Variants in C1orf87 observed in about 807,000 individuals in gnomAD.
C1orf87 encodes the protein uncharacterized protein C1orf87.
C1orf87 carries 58 observed loss-of-function variants against 60.5 expected under a neutral mutation model. The ratio of observed to expected loss-of-function variants is 0.96; its 90% confidence interval spans 0.78 to 1.19. The LOEUF (loss-of-function observed/expected upper bound fraction) is 1.19. Ranked by LOEUF, C1orf87 falls within the 50% of genes most tolerant of loss-of-function variation. The pLI, the probability that C1orf87 is intolerant of heterozygous loss-of-function variation, is 0.00. For synonymous variants in C1orf87, 236 were observed against 227.4 expected, an observed-to-expected ratio of 1.04 and a Z score of -0.34; for missense variants, 673 against 638.6, an observed-to-expected ratio of 1.05 and a Z score of -0.58.
At chr1:59,996,565 CA>C (rs1644964893) in intron 11 of C1orf87, among the ~76,000 whole-genome samples, 2 of 152,168 alleles carry the variant, frequency 1.3e-5, no homozygotes, top group Non-Finnish European at 1.5e-5. Context: ...CCATCTTTAT[CA>C]TTTAATATTC....
chr1:59,990,590 C>T lies in C1orf87; in HGVS notation c.*83G>A, dbSNP rs2100226420. ...CTCCACTCTGACAATGCCTCCGCCA[C>T]TACACTTAGGCTGGGGAGAAACATG... is the stretch of plus-strand genomic sequence containing the variant. On this transcript the variant is annotated 3_prime_UTR_variant, in exon 12 of 12. Transcript: ENST00000371201. The T allele has an allele frequency of 6.6e-7, 1 of 1,525,020 alleles. No homozygotes were observed. Among genetic ancestry groups the T allele is most frequent in the Non-Finnish European group, 8.9e-7 (1 of 1,119,978 alleles). The allele number at this position is 1,525,020 out of a possible 1,614,324, so 94.5% of individuals were successfully genotyped here. A position where few individuals can be genotyped will look rare whatever the true frequency, so the allele number is the denominator to read the frequency against.
At chr1:60,073,108 T>C (rs1413431908) in intron 1 of C1orf87, among the ~76,000 whole-genome samples, 1 of 152,220 alleles carries the variant, frequency 6.6e-6, no homozygotes, top group Non-Finnish European at 1.5e-5. Context: ...ATTTATGAGA[T>C]CAGGGTAATT....
Position 60,055,255 on chromosome 1 carries a change from G to T in C1orf87, c.291C>A (p.Asn97Lys), listed in dbSNP as rs766166732. 4 of 1,614,010 alleles carry T rather than the reference G, an allele frequency of 2.5e-6. No individual in the cohort carries two copies. In the African/African-American group the frequency reaches 4.0e-5, roughly 16 times the overall value. ...TTGCCCCTGTTAGTAGTTTCTGGTT[G>T]TTTTCTGATTTCTGGTTGTTCTCTG... Reference protein sequence around the residue: ...KHPENNQKSENNQKLLTGANS... With the variant: ...KHPENNQKSEKNQKLLTGANS... The change falls in exon 3 of 12, where the codon AAC becomes AAA. Residue 97 changes from asparagine to lysine, a missense_variant. Asn to Lys is a moderately conservative substitution (Grantham distance 94, BLOSUM62 0). Coordinates refer to ENST00000371201, the MANE Select transcript of C1orf87 (RefSeq NM_152377.3).
chr1:60,025,485 C>T lies in C1orf87; in HGVS notation c.1043G>A (p.Cys348Tyr). The T allele has an allele frequency of 1.2e-6, 2 of 1,609,142 alleles. No individual in the cohort carries two copies. Among genetic ancestry groups the T allele is most frequent in the African/African-American group, 1.3e-5 (1 of 74,752 alleles). The change falls in exon 8 of 12, where the codon TGT (cysteine) becomes TAT (tyrosine). Residue 348 changes from cysteine to tyrosine, a missense_variant. By Grantham distance (194) the Cys-to-Tyr change is radical. Coordinates refer to ENST00000371201, the MANE Select transcript of C1orf87 (RefSeq NM_152377.3). ...GGTCAGATATAATCCATGCTTCCCA[C>T]ATATAGCCCTGACCTACAAGTTAAA... ...CLPLPKVRAI[C>Y]GKHGLYLTLS...
chr1:60,063,897 T>C (rs1251212662), intron 2 of C1orf87, among the ~76,000 whole-genome samples: 1 of 152,070 alleles, frequency 6.6e-6, no homozygotes, highest in African/African-American at 2.4e-5. Flanking sequence ...GATTGACGGA[T>C]GCAAATTATT....
chr1:60,021,307 G>T (rs992404309), intron 8 of C1orf87, among the ~76,000 whole-genome samples: 1 of 152,172 alleles, frequency 6.6e-6, no homozygotes, highest in Admixed American at 6.5e-5. Flanking sequence ...AAATAGTCAT[G>T]CCCCTTGCTA....
intron 5 of C1orf87, among the ~76,000 whole-genome samples, chr1:60,039,708 AG>A (rs1645304920): frequency 6.6e-6 from 1 of 152,232 alleles, no homozygotes; most frequent in Admixed American, 6.5e-5. Flanking sequence ...GGACCTTTAA[AG>A]AGAAATGAAA....
At chr1:60,065,010 A>G (rs1389234264) in intron 2 of C1orf87, among the ~76,000 whole-genome samples, 1 of 66,424 alleles carries the variant, frequency 1.5e-5, no homozygotes, top group African/African-American at 6.2e-5. Context: ...TATTAAATAT[A>G]TATTAAATAT....
chr1:60,000,486 G>A (rs190642363), intron 10 of C1orf87, among the ~76,000 whole-genome samples: 8 of 152,158 alleles, frequency 5.3e-5, no homozygotes, highest in Admixed American at 5.2e-4. Context: ...ATTTTAAGAT[G>A]AATTATGTTC....
At chr1:60,058,406 C>T (rs1645471779) in intron 2 of C1orf87, among the ~76,000 whole-genome samples, 1 of 152,010 alleles carries the variant, frequency 6.6e-6, no homozygotes, top group Admixed American at 6.6e-5. Context: ...ATAAAATTTA[C>T]ATAAGTTATA....
At chr1:59,996,634 C>A (rs1220403068) in intron 11 of C1orf87, among the ~76,000 whole-genome samples, 1 of 152,184 alleles carries the variant, frequency 6.6e-6, no homozygotes, top group Non-Finnish European at 1.5e-5. Context: ...AGCATTTGCA[C>A]CTTTGCCAGA....
intron 2 of C1orf87, among the ~76,000 whole-genome samples, chr1:60,063,796 G>C (rs1645513291): frequency 6.6e-6 from 1 of 152,156 alleles, no homozygotes; most frequent in East Asian, 1.9e-4. Flanking sequence ...AGGTATATGG[G>C]TTCCCTGATC....
chr1:60,022,347 G>A (rs1326299868), intron 8 of C1orf87, among the ~76,000 whole-genome samples: 1 of 151,808 alleles, frequency 6.6e-6, no homozygotes, highest in East Asian at 2.0e-4. Context: ...GGGGTGACAG[G>A]GAACCAGATT....
chr1:60,025,525 A>G (rs774021076), intron 7 of C1orf87, 27 bp from the exon 8 acceptor site: 2 of 1,522,218 alleles, frequency 1.3e-6, no homozygotes, highest in Admixed American at 2.0e-5. Flanking sequence ...AATAAAAAAG[A>G]TTTGATGTTT....
intron 6 of C1orf87, 127 bp downstream of exon 6, chr1:60,037,865 G>A (rs1367440533): frequency 1.5e-5 from 8 of 521,622 alleles, no homozygotes; most frequent in Middle Eastern, 6.5e-4. Context: ...TTCAGCCTTC[G>A]CTTCAGCACT....
At chr1:60,019,668 G>T (rs1482913727) in intron 8 of C1orf87, among the ~76,000 whole-genome samples, 1 of 152,168 alleles carries the variant, frequency 6.6e-6, no homozygotes, top group Admixed American at 6.5e-5. Context: ...ATGACGTCCA[G>T]GCTGAGGTAG....
intron 6 of C1orf87, among the ~76,000 whole-genome samples, chr1:60,034,231 T>TA (rs1645259286): frequency 6.6e-6 from 1 of 152,176 alleles, no homozygotes; most frequent in South Asian, 2.1e-4. Flanking sequence ...CAAATGTACA[T>TA]AAGTATTAAG....
chr1:60,033,761 T>C (rs1645256211), intron 6 of C1orf87, 120 bp from the exon 7 acceptor site: 3 of 1,123,028 alleles, frequency 2.7e-6, no homozygotes, highest in East Asian at 2.4e-5. Context: ...CCCATCTACG[T>C]AGGCCCTCTC....
intron 5 of C1orf87, among the ~76,000 whole-genome samples, chr1:60,038,312 G>A (rs1574314608): frequency 1.3e-5 from 2 of 151,914 alleles, no homozygotes; most frequent in South Asian, 4.2e-4. Context: ...GTACTTCCTG[G>A]TTGTCTTCTG....
Sources: allele counts gnomAD v4.1 joint callset (sites outside exome capture counted in the v4.1 genomes callset), GRCh38; gene constraint gnomAD v4.1.1; transcripts MANE v1.5; gene names NCBI Gene and HGNC (gene_info 2026-07-23, HGNC 2026-07-21).